MGAT5B: variants seen among roughly 807,000 people sequenced by gnomAD.
MGAT5B encodes alpha-1,6-mannosylglycoprotein 6-beta-N-acetylglucosaminyltransferase B.
MGAT5B carries 54 observed loss-of-function variants against 95.1 expected under a neutral mutation model. The ratio of observed to expected loss-of-function variants is 0.57; its 90% CI spans 0.46 to 0.71. The LOEUF (loss-of-function observed/expected upper bound fraction) is 0.71. MGAT5B is among the 30% of genes least tolerant of loss of function. The pLI, the probability that MGAT5B is intolerant of heterozygous loss-of-function variation, is 0.00. For missense variants in MGAT5B, 935 were observed against 1,088.6 expected (o/e 0.86, Z 1.99); for synonymous variants, 464 against 451.0 (o/e 1.03, Z -0.36).
At chr17:76,913,910 A>G (rs959714693) in intron 8 of MGAT5B, 3 of 410,438 alleles carry the variant, frequency 7.3e-6, no homozygotes, top group Non-Finnish European at 1.5e-5. Flanking sequence ...CAGGAGTTGG[A>G]GACCAGCCTG....
In MGAT5B at chr17:76,906,044, G is replaced by A. The variant is rs545122072; in HGVS notation, c.882G>A (p.Thr294=). The A allele has an allele frequency of 4.3e-5, 69 of 1,606,028 alleles. No homozygotes were observed. Among genetic ancestry groups the A allele is most frequent in the African/African-American group, 1.5e-4 (11 of 73,972 alleles). ...KQILVHIGFL[T]EESGDVFSPR... Reference sequence around the variant, plus strand: ...TCCTGGTCCACATCGGCTTCCTGACGGAGGAGTCCGGGGACGTGTTCAGCC... The same window carrying A: ...TCCTGGTCCACATCGGCTTCCTGACAGAGGAGTCCGGGGACGTGTTCAGCC... Residue 294 remains threonine (T), a synonymous_variant, in exon 8 of 18, where the codon ACG becomes ACA. Coordinates refer to ENST00000569840, the MANE Select transcript of MGAT5B (RefSeq NM_001199172.2). This position sits in a 1 kb window ranked among gnomAD's most constrained non-coding sequence, Gnocchi z 4.6.
intron 1 of MGAT5B, among the ~76,000 whole-genome samples, chr17:76,871,628 T>G (rs564869841): frequency 6.6e-6 from 1 of 152,340 alleles, no homozygotes; most frequent in East Asian, 1.9e-4. Context: ...TTAAAATGCA[T>G]AAAGCAAGTC....
At chr17:76,881,292 G>A (rs550776533) in intron 2 of MGAT5B, among the ~76,000 whole-genome samples, 1 of 152,234 alleles carries the variant, frequency 6.6e-6, no homozygotes, top group South Asian at 2.1e-4. Context: ...TCTTCATAAG[G>A]TCTCCCCTCC....
At chr17:76,890,243 G>T (rs1967815823) in intron 3 of MGAT5B, among the ~76,000 whole-genome samples, 1 of 152,228 alleles carries the variant, frequency 6.6e-6, no homozygotes, top group Non-Finnish European at 1.5e-5. Flanking sequence ...GCAATTTCGG[G>T]GTCGGGAGAC....
At position 76,948,676 on chromosome 17, in the gene MGAT5B, G is replaced by A; in HGVS notation, c.2217G>A (p.Met739Ile). 1 of 1,613,372 alleles carries A rather than the reference G, an allele frequency of 6.2e-7. No individual in the cohort carries two copies. Among genetic ancestry groups the A allele is most frequent in the African/African-American group, 1.3e-5 (1 of 75,076 alleles). Residue 739 changes from methionine to isoleucine, a missense_variant, in exon 18 of 18, where the codon ATG becomes ATA. Coordinates refer to ENST00000569840, the MANE Select transcript of MGAT5B (RefSeq NM_001199172.2). ...CCTGTGACAGCACCGAGTCGGAGAT[G>A]AACCACCTGTACCCGGCGTTCGCCC... Reference protein sequence around the residue: ...QVPCDSTESEMNHLYPAFAQP... With the variant: ...QVPCDSTESEINHLYPAFAQP...
At chr17:76,939,687 G>A (rs934866309) in intron 13 of MGAT5B, among the ~76,000 whole-genome samples, 1 of 152,000 alleles carries the variant, frequency 6.6e-6, no homozygotes, top group African/African-American at 2.4e-5. Context: ...TCCCCACTCT[G>A]GGAGTCCCCA....
intron 4 of MGAT5B, 59 bp downstream of exon 4, chr17:76,902,729 G>T: frequency 7.9e-7 from 1 of 1,267,276 alleles, no homozygotes; most frequent in South Asian, 1.3e-5. Context: ...ACTGGGTGCT[G>T]GGTGGGCCCT....
At position 76,869,680 on chromosome 17, in the gene MGAT5B, C is replaced by T. The variant is rs1024372451; in HGVS notation, c.68+583C>T. Among the ~76,000 whole-genome samples the T allele has an allele frequency of 6.6e-6, 1 of 152,232 alleles. No homozygotes were observed. The highest frequency in any genetic ancestry group is 1.5e-5 in the Non-Finnish European group (1 of 68,032). On this transcript the variant is annotated intron_variant, in intron 1 of 17. Transcript: ENST00000569840. This position sits in a 1 kb window ranked among gnomAD's most constrained non-coding sequence, Gnocchi z 7.0. ...GAGGACTCGCTCATCCCAGGATTCG[C>T]CCCCGATCGCAGGCGTCGGAGAGGC... is the stretch of plus-strand genomic sequence containing the variant.
chr17:76,879,936 G>T (rs554606769), intron 2 of MGAT5B, among the ~76,000 whole-genome samples: 1 of 152,368 alleles, frequency 6.6e-6, no homozygotes, highest in Admixed American at 6.5e-5. Context: ...GATTGAGTGT[G>T]TGAGTGCGTG....
chr17:76,903,250 C>T, intron 4 of MGAT5B, 53 bp from the exon 5 acceptor site: 1 of 1,468,066 alleles, frequency 6.8e-7, no homozygotes, highest in Non-Finnish European at 9.4e-7. Context: ...AGGCCTCCCT[C>T]CCTGGGCTCC....
rs569653133 is a variant in MGAT5B, at chr17:76,947,614, T to C, written c.1924-216T>C. On this transcript the variant is annotated intron_variant, in intron 16 of 17. Coordinates refer to ENST00000569840, the MANE Select transcript of MGAT5B (RefSeq NM_001199172.2). Reference sequence around the variant, plus strand: ...ATCCAACCCCAAGGCCCTGGGCGGATGCCGTGACCTCTGAGCCTCCATAAT... The same window carrying C: ...ATCCAACCCCAAGGCCCTGGGCGGACGCCGTGACCTCTGAGCCTCCATAAT... Among the ~76,000 whole-genome samples the C allele has an allele frequency of 3.3e-5, 5 of 152,318 alleles. No individual in the cohort carries two copies. The East Asian group carries it at 9.6e-4, about 29-fold the overall frequency.
intron 3 of MGAT5B, among the ~76,000 whole-genome samples, chr17:76,898,495 AT>A (rs1008269422): frequency 6.3e-4 from 91 of 144,494 alleles, no homozygotes; most frequent in Non-Finnish European, 5.8e-4. Context: ...CACCCGGCTA[AT>A]TTTTTTTTTT....
At chr17:76,904,552 C>A in intron 6 of MGAT5B, 130 bp downstream of exon 6, 1 of 1,080,282 alleles carries the variant, frequency 9.3e-7, no homozygotes, top group Non-Finnish European at 1.3e-6. Context: ...CAGGTCCGAG[C>A]CCACCCTACC....
At chr17:76,948,176 C>A in intron 17 of MGAT5B, 90 bp downstream of exon 17, 1 of 1,479,706 alleles carries the variant, frequency 6.8e-7, no homozygotes, top group Non-Finnish European at 8.9e-7. Context: ...AACCGGCCCT[C>A]AGCCCTGCCA....
chr17:76,910,857 A>C (rs1193108887), intron 8 of MGAT5B, among the ~76,000 whole-genome samples: 2 of 152,234 alleles, frequency 1.3e-5, no homozygotes, highest in Admixed American at 1.3e-4. Flanking sequence ...TGGCTCAGAC[A>C]GGGCAGAATG....
In MGAT5B at chr17:76,902,584, G is replaced by T; in HGVS notation, c.359G>T (p.Arg120Leu). ...CCCCCTGGGGCCGGCCTCATGGAGC[G>T]GATCCAGGCTATTGCCCAGAACGTC... ...RMPPGAGLME[R>L]IQAIAQNVSD... The change falls in exon 4 of 18, where the codon CGG becomes CTG. Residue 120 changes from arginine to leucine, a missense_variant. Arg to Leu is a moderately radical substitution (Grantham distance 102, BLOSUM62 -2). Transcript: ENST00000569840. 3 of 1,601,752 alleles carry T rather than the reference G, an allele frequency of 1.9e-6. No individual in the cohort carries two copies. Among genetic ancestry groups the T allele is most frequent in the Non-Finnish European group, 1.7e-6 (2 of 1,173,860 alleles).
intron 10 of MGAT5B, 50 bp from the exon 11 acceptor site, chr17:76,932,595 T>C (rs375759085): frequency 1.9e-6 from 3 of 1,606,252 alleles, no homozygotes; most frequent in African/African-American, 2.7e-5. Flanking sequence ...GGCCTGGGGC[T>C]GCCCTTGGTT....
chr17:76,882,468 T>A, intron 3 of MGAT5B, 170 bp downstream of exon 3: 1 of 761,174 alleles, frequency 1.3e-6, no homozygotes, highest in Non-Finnish European at 1.9e-6. Flanking sequence ...CCGTTAACAT[T>A]TGGTCACATT....
At chr17:76,882,482 G>GTTT (rs1967465445) in intron 3 of MGAT5B, 184 bp downstream of exon 3, 1 of 680,372 alleles carries the variant, frequency 1.5e-6, no homozygotes, top group East Asian at 3.2e-5. Context: ...TCACATTTGT[G>GTTT]GCCTGTTTTC....
Sources: allele counts gnomAD v4.1 joint callset (sites outside exome capture counted in the v4.1 genomes callset), GRCh38; gene constraint gnomAD v4.1.1; non-coding constraint Gnocchi (gnomAD v3.1); transcripts MANE v1.5; gene names NCBI Gene and HGNC (gene_info 2026-07-23, HGNC 2026-07-21).